BPIFB2: variants seen among roughly 807,000 people sequenced by gnomAD.
BPIFB2 encodes the protein BPI fold containing family B member 2.
Under a neutral mutation model 50.1 loss-of-function variants are expected in BPIFB2, and 39 were observed. That is an observed-to-expected ratio of 0.78 (90% confidence interval 0.60 to 1.02). The LOEUF is 1.02. Among genes scored for constraint, BPIFB2 ranks in the 50% least tolerant of loss-of-function variants. BPIFB2 has a pLI of 0.00. For missense variants in BPIFB2, 574 were observed against 585.8 expected, an observed-to-expected ratio of 0.98 and a Z score of 0.21; for synonymous variants, 280 against 256.3, an observed-to-expected ratio of 1.09 and a Z score of -0.88.
At chr20:33,015,583 G>C (rs1978389037) in intron 6 of BPIFB2, 87 bp downstream of exon 6, 7 of 1,220,090 alleles carry the variant, frequency 5.7e-6, no homozygotes, top group Non-Finnish European at 8.0e-6. Flanking sequence ...CAGGCAGGGG[G>C]TACTTTGCTT....
chr20:33,022,549 C>G (rs1049305441), intron 15 of BPIFB2, among the ~76,000 whole-genome samples: 2 of 152,212 alleles, frequency 1.3e-5, no homozygotes, highest in East Asian at 3.8e-4. Flanking sequence ...CACCTTGGCA[C>G]TTGACCCAGC....
intron 9 of BPIFB2, 59 bp from the exon 10 acceptor site, chr20:33,019,003 G>C: frequency 6.2e-7 from 1 of 1,609,108 alleles, no homozygotes; most frequent in Non-Finnish European, 8.5e-7. Flanking sequence ...GGAAAGTGGT[G>C]ATCTGTCTTG....
Position 33,019,743 on chromosome 20 carries a change from T to A in BPIFB2, c.1073T>A (p.Leu358Gln). 6.2e-7 allele frequency: 1 copy of A among 1,604,140 alleles called. No homozygotes were observed. The highest frequency in any genetic ancestry group is 1.3e-5 in the African/African-American group (1 of 74,896). ...TCGGCTTTCCAGTCCCTCTTCTCCC[T>A]GGATGTGGTGAGTGCGGTGGGGCTG... ...SNSAFQSLFS[L>Q]DVVVNLRLQL... Residue 358 changes from leucine to glutamine, a missense_variant, in exon 11 of 16, where the codon CTG (leucine) becomes CAG (glutamine). Physicochemically the swap from Leu to Gln is moderately radical, Grantham distance 113 (BLOSUM62 -2). Coordinates refer to ENST00000170150, the MANE Select transcript of BPIFB2 (RefSeq NM_025227.3).
chr20:33,011,512 T>G (rs986934206), intron 3 of BPIFB2, among the ~76,000 whole-genome samples: 6 of 152,336 alleles, frequency 3.9e-5, no homozygotes, highest in African/African-American at 1.4e-4. Flanking sequence ...CTCTGCTTAA[T>G]GCAGAAACTA....
In BPIFB2 at chr20:33,009,717, G is replaced by A. The variant is rs1037450261; in HGVS notation, c.109+1034G>A. ...GGCCATGAGGCCCGCGCCCTCCGCC[G>A]CCTTCCTGCCCTCTGCCCATCCTGT... On this transcript the variant is annotated intron_variant, in intron 2 of 15. Coordinates refer to ENST00000170150, the MANE Select transcript of BPIFB2 (RefSeq NM_025227.3). The surrounding 1 kb of genome is among the most constrained non-coding windows in gnomAD (Gnocchi z 4.2). Among the ~76,000 whole-genome samples, 1 of 152,202 alleles carries A rather than the reference G, an allele frequency of 6.6e-6. No homozygotes were observed. The highest frequency in any genetic ancestry group is 2.4e-5 in the African/African-American group (1 of 41,448).
intron 14 of BPIFB2, 45 bp from the exon 15 acceptor site, chr20:33,021,678 C>A (rs558538815): frequency 6.3e-7 from 1 of 1,585,034 alleles, no homozygotes; most frequent in East Asian, 2.2e-5. Flanking sequence ...GGCTTCAGCA[C>A]AGGCTGGCTC....
chr20:33,015,081 G>A (rs1978366338), intron 5 of BPIFB2, among the ~76,000 whole-genome samples: 1 of 152,214 alleles, frequency 6.6e-6, no homozygotes, highest in Non-Finnish European at 1.5e-5. Flanking sequence ...AGCAGACCCA[G>A]GATCCCAGCT....
At chr20:33,015,041 G>A (rs1470774032) in intron 5 of BPIFB2, among the ~76,000 whole-genome samples, 1 of 152,214 alleles carries the variant, frequency 6.6e-6, no homozygotes, top group Non-Finnish European at 1.5e-5. Flanking sequence ...TTTATTAGGT[G>A]TGTCACAGAA....
intron 10 of BPIFB2, among the ~76,000 whole-genome samples, 188 bp downstream of exon 10, chr20:33,019,303 T>C (rs1978563287): frequency 6.6e-6 from 1 of 152,128 alleles, no homozygotes; most frequent in Admixed American, 6.5e-5. Flanking sequence ...TCTCTGTGCC[T>C]TTGCTTGAGC....
chr20:33,018,360 TCCTGGCCAGCCCAGA>T lies in BPIFB2; in HGVS notation c.669+11_669+25del. 6.2e-7 allele frequency: 1 copy of T among 1,604,474 alleles called. No individual in the cohort carries two copies. The highest frequency in any genetic ancestry group is 8.5e-7 in the Non-Finnish European group (1 of 1,171,574). ...TTCCCTGGAAGTCAATGTAAGTGCC[TCCTGGCCAGCCCAGA>T]GCTGGGGGCTTGCTGCCTCTGGAGT... On this transcript the variant is annotated intron_variant, in intron 8 of 15. Transcript: ENST00000170150.
chr20:33,022,832 C>T (rs1354555027), intron 15 of BPIFB2, among the ~76,000 whole-genome samples: 2 of 152,184 alleles, frequency 1.3e-5, no homozygotes, highest in Non-Finnish European at 2.9e-5. Context: ...CCCTAGGCTA[C>T]GAGCTACACT....
At chr20:33,015,376 T>C in intron 5 of BPIFB2, 60 bp from the exon 6 acceptor site, 8 of 1,490,450 alleles carry the variant, frequency 5.4e-6, no homozygotes, top group Non-Finnish European at 7.4e-6. Context: ...GCGACTGTGC[T>C]GAGTGACGGG....
chr20:33,011,130 C>A lies in BPIFB2; in HGVS notation c.203+13C>A, dbSNP rs1189780986. 14 of 1,611,002 alleles carry A rather than the reference C, an allele frequency of 8.7e-6. No individual in the cohort carries two copies. The highest frequency in any genetic ancestry group is 9.3e-6 in the Non-Finnish European group (11 of 1,177,568). On this transcript the variant is annotated intron_variant, in intron 3 of 15. Coordinates refer to ENST00000170150, the MANE Select transcript of BPIFB2 (RefSeq NM_025227.3). ...TTCAGCCCACCAGGTGAGTGCTCCC[C>A]TCCTCCAGAGAAGGTGCTCCTGCCA... is the stretch of plus-strand genomic sequence containing the variant.
intron 8 of BPIFB2, 55 bp from the exon 9 acceptor site, chr20:33,018,582 C>T (rs1333897755): frequency 6.5e-7 from 1 of 1,535,018 alleles, no homozygotes; most frequent in East Asian, 2.3e-5. Context: ...CATGGAGCCA[C>T]CTCCGTGCTG....
intron 4 of BPIFB2, 92 bp downstream of exon 4, chr20:33,012,999 GC>G: frequency 9.5e-7 from 1 of 1,048,494 alleles, no homozygotes. Flanking sequence ...CTCCTCCAGG[GC>G]CCTCATCCAG....
In BPIFB2 at chr20:33,014,900, C is replaced by A. The variant is rs560525764; in HGVS notation, c.456-536C>A. Among the ~76,000 whole-genome samples the A allele has an allele frequency of 3.3e-5, 5 of 152,252 alleles. No individual in the cohort carries two copies. The East Asian group carries it at 5.8e-4, about 18-fold the overall frequency. ...AGAGGCCACCCTCCCACCTCCCCCC[C>A]AGGGAGCTGGTTCAGCAAGGTTGGG... On this transcript the variant is annotated intron_variant, in intron 5 of 15. Coordinates refer to ENST00000170150, the MANE Select transcript of BPIFB2 (RefSeq NM_025227.3).
At chr20:33,015,723 G>T (rs1421682966) in intron 6 of BPIFB2, among the ~76,000 whole-genome samples, 1 of 152,086 alleles carries the variant, frequency 6.6e-6, no homozygotes, top group Non-Finnish European at 1.5e-5. Flanking sequence ...GAGGGGAGGG[G>T]GAGGTTCATC....
intron 7 of BPIFB2, among the ~76,000 whole-genome samples, chr20:33,017,764 C>T (rs1028608002): frequency 6.6e-6 from 1 of 152,192 alleles, no homozygotes; most frequent in Non-Finnish European, 1.5e-5. Flanking sequence ...CCTCACCAGA[C>T]TGCGTGTGCG....
At chr20:33,014,478 G>A (rs1242873175) in intron 5 of BPIFB2, among the ~76,000 whole-genome samples, 1 of 152,224 alleles carries the variant, frequency 6.6e-6, no homozygotes, top group Admixed American at 6.5e-5. Flanking sequence ...TACCAGGTAG[G>A]TGTTAAGTAT....
Sources: allele counts gnomAD v4.1 joint callset (sites outside exome capture counted in the v4.1 genomes callset), GRCh38; gene constraint gnomAD v4.1.1; non-coding constraint Gnocchi (gnomAD v3.1); transcripts MANE v1.5; gene names NCBI Gene and HGNC (gene_info 2026-07-23, HGNC 2026-07-21).